Variants in ZNF330 observed in about 807,000 individuals in gnomAD.
ZNF330 encodes the protein nucleolar atypical zinc finger.
In ZNF330, 31 loss-of-function variants were observed where a neutral mutation model predicts 45.5. The observed-to-expected ratio is 0.68, with a 90% confidence interval of 0.51 to 0.92. The LOEUF (loss-of-function observed/expected upper bound fraction) is 0.92. Ranked by LOEUF, ZNF330 falls within the 40% of genes least tolerant of loss-of-function variation. The probability of loss-of-function intolerance (pLI) is 0.00; values close to 1 mark genes in which losing one functional copy is unlikely to be tolerated. For missense variants in ZNF330, 356 were observed against 387.4 expected (o/e 0.92, Z 0.68); for synonymous variants, 138 against 123.2 (o/e 1.12, Z -0.79).
chr4:141,228,053 G>A (rs1035505394), intron 5 of ZNF330, among the ~76,000 whole-genome samples: 1 of 151,964 alleles, frequency 6.6e-6, no homozygotes, highest in Non-Finnish European at 1.5e-5. Context: ...ATGTCAAATG[G>A]AATATTTTAT....
intron 5 of ZNF330, 146 bp from the exon 6 acceptor site, chr4:141,229,425 T>A: frequency 2.0e-6 from 2 of 1,012,880 alleles, no homozygotes; most frequent in South Asian, 1.6e-5. Flanking sequence ...TTAGAGTGAG[T>A]AGTAAAATGT....
chr4:141,231,380 A>T, intron 7 of ZNF330, 59 bp from the exon 8 acceptor site: 3 of 1,501,712 alleles, frequency 2.0e-6, no homozygotes, highest in Non-Finnish European at 2.7e-6. Flanking sequence ...TTGATAAAAG[A>T]CAAAAGAAAA....
chr4:141,226,645 T>C, intron 4 of ZNF330, 122 bp from the exon 5 acceptor site: 1 of 683,856 alleles, frequency 1.5e-6, no homozygotes, highest in East Asian at 2.7e-5. Flanking sequence ...TAAATACTGA[T>C]TCAATTTCAT....
Position 141,226,858 on chromosome 4 carries a change from A to C in ZNF330, c.291+12A>C, listed in dbSNP as rs774287294. ...GCCTTGCAATGGTGGTAAGCTTCTT[A>C]TTATCTCTTAGACTAGTACGTTTTC... On this transcript the variant is annotated intron_variant, in intron 5 of 9. Transcript: ENST00000262990. 3 of 1,603,372 alleles carry C rather than the reference A, an allele frequency of 1.9e-6. No individual in the cohort carries two copies. The highest frequency in any genetic ancestry group is 2.6e-6 in the Non-Finnish European group (3 of 1,172,068).
chr4:141,226,734 A>T lies in ZNF330; in HGVS notation c.212-33A>T, dbSNP rs761960889. 2.5e-6 allele frequency: 4 copies of T among 1,576,148 alleles called. No individual in the cohort carries two copies. The African/African-American group carries it at 5.4e-5, about 21-fold the overall frequency. ...TGAGTACTGGTATGTATTCCTTTGCAAGACTAACAGTGCAAATGTTTTTCT... is the reference window on the plus strand; with the variant it reads ...TGAGTACTGGTATGTATTCCTTTGCTAGACTAACAGTGCAAATGTTTTTCT... On this transcript the variant is annotated intron_variant, in intron 4 of 9. Transcript: ENST00000262990.
intron 2 of ZNF330, 88 bp from the exon 3 acceptor site, chr4:141,224,399 C>A: frequency 7.8e-7 from 1 of 1,289,788 alleles, no homozygotes. Flanking sequence ...AAATTTTAAC[C>A]TGAAAAGCAG....
chr4:141,230,196 A>G lies in ZNF330; in HGVS notation c.449A>G (p.His150Arg), dbSNP rs369945005. Residue 150 changes from histidine to arginine, a missense_variant, in exon 7 of 10, where the codon CAT becomes CGT. By Grantham distance (29) the His-to-Arg change is conservative. Transcript: ENST00000262990. ...AGAATATTCAGTTGTTCTTTTTGCC[A>G]TAACTTTCTCTGTGAAGATGATCAA... ...GGRIFSCSFCHNFLCEDDQFE... is the reference protein window; with the variant it reads ...GGRIFSCSFCRNFLCEDDQFE... 8.1e-6 allele frequency: 13 copies of G among 1,611,152 alleles called. No individual in the cohort carries two copies. The East Asian group carries it at 2.5e-4, about 30-fold the overall frequency.
intron 4 of ZNF330, among the ~76,000 whole-genome samples, chr4:141,225,428 T>A (rs762927657): frequency 1.6e-4 from 24 of 152,044 alleles, no homozygotes; most frequent in Admixed American, 5.2e-4. Flanking sequence ...TATTTATATG[T>A]TAGAAGTTCT....
intron 2 of ZNF330, among the ~76,000 whole-genome samples, chr4:141,223,102 A>C (rs1399270830): frequency 6.6e-6 from 1 of 152,110 alleles, no homozygotes; most frequent in Non-Finnish European, 1.5e-5. Flanking sequence ...TGTCAAACAT[A>C]CATGAATTGT....
chr4:141,232,709 T>C, intron 9 of ZNF330, 67 bp downstream of exon 9: 1 of 878,780 alleles, frequency 1.1e-6, no homozygotes, highest in Non-Finnish European at 1.6e-6. Context: ...TATCTTTTTT[T>C]TTTTTGGTCT....
At chr4:141,224,710 T>C in intron 4 of ZNF330, 33 bp downstream of exon 4, 1 of 1,579,232 alleles carries the variant, frequency 6.3e-7, no homozygotes, top group Non-Finnish European at 8.7e-7. Context: ...CATATGCTTT[T>C]TATCAACTGG....
In ZNF330 at chr4:141,222,457, T is replaced by G. The variant is rs757093812; in HGVS notation, c.86T>G (p.Ile29Arg). 1 of 1,613,672 alleles carries G rather than the reference T, an allele frequency of 6.2e-7. No individual in the cohort carries two copies. The highest frequency in any genetic ancestry group is 8.5e-7 in the Non-Finnish European group (1 of 1,179,774). ...EKQLRASRSTIDLAKHPCNAS... is the reference protein window; with the variant it reads ...EKQLRASRSTRDLAKHPCNAS... Reference sequence around the variant, plus strand: ...CAACTAAGAGCATCAAGAAGCACTATAGATTTAGCTAAACATCCATGTAAT... The same window carrying G: ...CAACTAAGAGCATCAAGAAGCACTAGAGATTTAGCTAAACATCCATGTAAT... The change falls in exon 2 of 10, where the codon ATA becomes AGA. Residue 29 changes from isoleucine (I) to arginine (R), a missense_variant. Coordinates refer to ENST00000262990, the MANE Select transcript of ZNF330 (RefSeq NM_014487.6).
chr4:141,228,818 C>CG (rs11447738), intron 5 of ZNF330, among the ~76,000 whole-genome samples: 54,538 of 151,846 alleles, frequency 0.36, 11,858 homozygotes, highest in East Asian at 0.62. Context: ...TAATCCAACT[C>CG]GGGACTTGGA....
chr4:141,228,754 A>G (rs1322742345), intron 5 of ZNF330, among the ~76,000 whole-genome samples: 5 of 152,112 alleles, frequency 3.3e-5, no homozygotes, highest in Non-Finnish European at 7.4e-5. Flanking sequence ...GCCTTGAATA[A>G]TAGAATACTG....
chr4:141,223,494 G>A (rs1328952164), intron 2 of ZNF330, among the ~76,000 whole-genome samples: 1 of 152,132 alleles, frequency 6.6e-6, no homozygotes. Flanking sequence ...CATAGTTACA[G>A]GTAGCTTGCA....
intron 4 of ZNF330, 52 bp downstream of exon 4, chr4:141,224,729 C>A: frequency 6.7e-7 from 1 of 1,494,074 alleles, no homozygotes; most frequent in Non-Finnish European, 9.3e-7. Context: ...GGTAGTTCAA[C>A]AATTTGAACT....
In ZNF330 at chr4:141,234,129, G is replaced by A; in HGVS notation, c.*140G>A. 7.1e-7 allele frequency: 1 copy of A among 1,400,586 alleles called. No homozygotes were observed. Among genetic ancestry groups the A allele is most frequent in the Non-Finnish European group, 9.3e-7 (1 of 1,077,716 alleles). The allele number at this position is 1,400,586 out of a possible 1,614,324, so 86.8% of individuals were successfully genotyped here. ...GTTACACTTAATGGGCCAAGCAATA[G>A]GGTGTAGCGTTTTTATAGAACTGAT... is the stretch of plus-strand genomic sequence containing the variant. On this transcript the variant is annotated 3_prime_UTR_variant, in exon 10 of 10. Transcript: ENST00000262990.
At chr4:141,223,810 A>G (rs1290742319) in intron 2 of ZNF330, 4 of 455,906 alleles carry the variant, frequency 8.8e-6, no homozygotes, top group African/African-American at 8.0e-5. Flanking sequence ...GAAGGGGTAC[A>G]CTTCACAGAA....
chr4:141,223,438 T>A (rs2111246445), intron 2 of ZNF330, among the ~76,000 whole-genome samples: 1 of 152,334 alleles, frequency 6.6e-6, no homozygotes, highest in South Asian at 2.1e-4. Context: ...TCTTATTCCT[T>A]ATTAGTTCCA....
Sources: gnomAD v4.1 joint callset for allele counts (sites outside exome capture counted in the v4.1 genomes callset) on GRCh38, gnomAD v4.1.1 for gene constraint, MANE v1.5 for transcripts, NCBI Gene and HGNC (gene_info 2026-07-23, HGNC 2026-07-21) for gene names.